Variants in GNPTAB observed in about 807,000 individuals in gnomAD.
The protein encoded by GNPTAB is N-acetylglucosamine-1-phosphotransferase subunits alpha/beta.
Under a neutral mutation model 136.6 loss-of-function variants are expected in GNPTAB, and 92 were observed. The observed-to-expected ratio is 0.67, with a 90% confidence interval of 0.57 to 0.80. The LOEUF (loss-of-function observed/expected upper bound fraction) is 0.80, where lower values mean the gene tolerates loss of function less well. Among genes scored for constraint, GNPTAB ranks in the 30% least tolerant of loss-of-function variants. The pLI, the probability that GNPTAB is intolerant of heterozygous loss-of-function variation, is 0.00. For missense variants in GNPTAB, 1,343 were observed against 1,501.8 expected, an observed-to-expected ratio of 0.89 and a Z score of 1.75; for synonymous variants, 512 against 535.1, an observed-to-expected ratio of 0.96 and a Z score of 0.60.
chr12:101,811,558 A>G (rs907506010), intron 1 of GNPTAB, among the ~76,000 whole-genome samples: 3 of 152,094 alleles, frequency 2.0e-5, no homozygotes, highest in Non-Finnish European at 2.9e-5. Flanking sequence ...CAATCATGGC[A>G]GAAGGCGAAG....
intron 18 of GNPTAB, chr12:101,756,320 AG>A (rs1952899633): frequency 5.7e-6 from 1 of 173,982 alleles, no homozygotes; most frequent in Non-Finnish European, 1.3e-5. Flanking sequence ...AATGTCTGTA[AG>A]GTTCACATCT....
Position 101,802,214 on chromosome 12 carries a change from AAAAG to A in GNPTAB, c.118-5456_118-5453del, listed in dbSNP as rs1450767765. On this transcript the variant is annotated intron_variant, in intron 1 of 20. Transcript: ENST00000299314. ...CCCTGTCTCTTAAAAAAAAAAAAAA[AAAAG>A]AAAAGAAAAGAAAAAAAGAAAAAGG... Among the ~76,000 whole-genome samples, 12 of 145,458 alleles carry A rather than the reference AAAAG, an allele frequency of 8.2e-5. No homozygotes were observed. The East Asian group carries it at 2.1e-3, about 26-fold the overall frequency.
intron 1 of GNPTAB, among the ~76,000 whole-genome samples, chr12:101,827,168 C>T (rs1299803539): frequency 6.6e-6 from 1 of 151,904 alleles, no homozygotes; most frequent in Non-Finnish European, 1.5e-5. Context: ...TTCACTCTGT[C>T]ACCCAGGCTT....
At chr12:101,814,693 T>C (rs983931772) in intron 1 of GNPTAB, among the ~76,000 whole-genome samples, 1 of 152,116 alleles carries the variant, frequency 6.6e-6, no homozygotes, top group African/African-American at 2.4e-5. Flanking sequence ...CAAGACTCCA[T>C]CTCATAAATA....
intron 13 of GNPTAB, among the ~76,000 whole-genome samples, chr12:101,762,702 T>C (rs1254577503): frequency 6.6e-6 from 1 of 152,102 alleles, no homozygotes; most frequent in African/African-American, 2.4e-5. Flanking sequence ...ACACTATACA[T>C]ATATTTCTCT....
chr12:101,802,130 G>A (rs1331059385), intron 1 of GNPTAB, among the ~76,000 whole-genome samples: 1 of 149,058 alleles, frequency 6.7e-6, no homozygotes, highest in African/African-American at 2.5e-5. Context: ...CCCAAGAGTT[G>A]GAGGCTGAAG....
chr12:101,792,472 A>G (rs1869048005), intron 2 of GNPTAB, among the ~76,000 whole-genome samples: 1 of 152,204 alleles, frequency 6.6e-6, no homozygotes, highest in Non-Finnish European at 1.5e-5. Context: ...ATAAGGTCTA[A>G]AGTCTTTCAT....
chr12:101,803,914 A>G (rs1017877219), intron 1 of GNPTAB, among the ~76,000 whole-genome samples: 9 of 152,098 alleles, frequency 5.9e-5, no homozygotes, highest in African/African-American at 2.2e-4. Context: ...GGGAGTAGGG[A>G]AGAAAATTGT....
intron 7 of GNPTAB, among the ~76,000 whole-genome samples, chr12:101,774,182 C>T (rs920446666): frequency 3.3e-5 from 5 of 152,142 alleles, no homozygotes; most frequent in African/African-American, 1.2e-4. Flanking sequence ...TAGGCTACAA[C>T]GACTGAGCAA....
intron 7 of GNPTAB, chr12:101,773,721 G>A (rs950503218): frequency 1.3e-5 from 2 of 152,148 alleles, no homozygotes; most frequent in South Asian, 4.1e-4. Context: ...AAGATTTTCT[G>A]CCACTGTAAA....
Position 101,765,374 on chromosome 12 carries a change from T to G in GNPTAB, c.1613-70A>C, listed in dbSNP as rs1484527157. 2.9e-6 allele frequency: 3 copies of G among 1,040,764 alleles called. No individual in the cohort carries two copies. In the African/African-American group the frequency reaches 4.8e-5, roughly 17 times the overall value. The allele number at this position is 1,040,764 out of a possible 1,614,324, so 64.5% of individuals were successfully genotyped here. ...TTTTCCTCTGTTTTCCTTTAATTCTTTGAGTCTGAGTTTTCACTTTCTTTT... is the reference window on the plus strand; with the variant it reads ...TTTTCCTCTGTTTTCCTTTAATTCTGTGAGTCTGAGTTTTCACTTTCTTTT... On this transcript the variant is annotated intron_variant, in intron 12 of 20. Coordinates refer to ENST00000299314, the MANE Select transcript of GNPTAB (RefSeq NM_024312.5).
At position 101,830,711 on chromosome 12, in the gene GNPTAB, T is replaced by G. The variant is rs1566106063; in HGVS notation, c.-36A>C. The G allele has an allele frequency of 1.5e-6, 2 of 1,314,814 alleles. No homozygotes were observed. Among genetic ancestry groups the G allele is most frequent in the East Asian group, 2.6e-5 (1 of 38,152 alleles). The allele number at this position is 1,314,814 out of a possible 1,614,324, so 81.4% of individuals were successfully genotyped here. A position where few individuals can be genotyped will look rare whatever the true frequency, so the allele number is the denominator to read the frequency against. On this transcript the variant is annotated 5_prime_UTR_variant, in exon 1 of 21. Coordinates refer to ENST00000299314, the MANE Select transcript of GNPTAB (RefSeq NM_024312.5). ...CCGCCACGCCACGCCCCGAGGAGCC[T>G]GAGCCGCCGCCGCCGCCGCCGCCGC...
At chr12:101,830,486 G>A (rs912905643) in intron 1 of GNPTAB, 73 bp downstream of exon 1, 2 of 801,154 alleles carry the variant, frequency 2.5e-6, no homozygotes, top group Non-Finnish European at 4.4e-6. Flanking sequence ...ATACTGTATC[G>A]GGGCATCGCG....
chr12:101,803,565 G>A (rs1163063134), intron 1 of GNPTAB, among the ~76,000 whole-genome samples: 1 of 152,176 alleles, frequency 6.6e-6, no homozygotes, highest in African/African-American at 2.4e-5. Context: ...CCACTATTTA[G>A]TCAAACACTA....
rs886048841 is a variant in GNPTAB at position 101,745,931 on chromosome 12, A to C, written c.*1233T>G. On this transcript the variant is annotated 3_prime_UTR_variant, in exon 21 of 21. Transcript: ENST00000299314. ...GCACCTGTAGTCCCAGCTACTCAGA[A>C]GGCTGAGACAGAACTGCTTGAACCC... 3 of 152,314 alleles carry C rather than the reference A, an allele frequency of 2.0e-5. No homozygotes were observed. Among genetic ancestry groups the C allele is most frequent in the Admixed American group, 1.3e-4 (2 of 15,280 alleles). 9.4% of individuals were successfully genotyped at this position (152,314 alleles called of 1,614,324 possible).
At chr12:101,766,904 G>A (rs1333495217) in intron 11 of GNPTAB, among the ~76,000 whole-genome samples, 4 of 152,178 alleles carry the variant, frequency 2.6e-5, no homozygotes, top group Admixed American at 2.6e-4. Context: ...ACGAAAACAA[G>A]AAGAGATTAT....
At position 101,745,606 on chromosome 12, in the gene GNPTAB, C is replaced by T. The variant is rs569274858; in HGVS notation, c.*1558G>A. On this transcript the variant is annotated 3_prime_UTR_variant, in exon 21 of 21. Coordinates refer to ENST00000299314, the MANE Select transcript of GNPTAB (RefSeq NM_024312.5). ...AAGTTCTTTGTACAAAAGATGTATG[C>T]CATTTTGGAAGAATATTGTTGAGAT... 1.1e-4 allele frequency: 17 copies of T among 152,314 alleles called. No individual in the cohort carries two copies. The highest frequency in any genetic ancestry group is 1.1e-3 in the Admixed American group (17 of 15,304). 9.4% of individuals were successfully genotyped at this position (152,314 alleles called of 1,614,324 possible).
At chr12:101,788,118 C>T (rs1312953556) in intron 4 of GNPTAB, among the ~76,000 whole-genome samples, 1 of 152,134 alleles carries the variant, frequency 6.6e-6, no homozygotes, top group Non-Finnish European at 1.5e-5. Context: ...TGTTGTTGGG[C>T]TAAATCTCCT....
chr12:101,806,678 TG>T (rs1345421351), intron 1 of GNPTAB, among the ~76,000 whole-genome samples: 1 of 152,162 alleles, frequency 6.6e-6, no homozygotes, highest in Non-Finnish European at 1.5e-5. Flanking sequence ...CTTTATAATT[TG>T]GATGAAATGG....
Sources: gnomAD v4.1 joint callset for allele counts (sites outside exome capture counted in the v4.1 genomes callset) on GRCh38, gnomAD v4.1.1 for gene constraint, MANE v1.5 for transcripts, NCBI Gene and HGNC (gene_info 2026-07-23, HGNC 2026-07-21) for gene names.